The following ARL13A variants were observed in gnomAD, a reference collection of about 807,000 sequenced individuals.
ARL13A encodes ARF like GTPase 13A, also known as ADP-ribosylation factor-like protein 13A.
ARL13A carries 16 observed loss-of-function variants against 19.1 expected under a neutral mutation model. The observed-to-expected ratio is 0.84, with a 90% CI of 0.57 to 1.27. ARL13A has a LOEUF of 1.27. ARL13A is among the 50% of genes most tolerant of loss of function. The pLI is 0.00. For missense variants in ARL13A, 153 were observed against 186.4 expected, an observed-to-expected ratio of 0.82 and a Z score of 1.04; for synonymous variants, 69 against 71.3, an observed-to-expected ratio of 0.97 and a Z score of 0.17.
At position 100,987,549 on chromosome X, in the gene ARL13A, T is replaced by A; in HGVS notation, c.646T>A (p.Ser216Thr). The A allele has an allele frequency of 1.7e-6, 2 of 1,210,394 alleles. No homozygotes were observed. The highest frequency in any genetic ancestry group is 2.2e-6 in the Non-Finnish European group (2 of 895,101). The change falls in exon 6 of 8, where the codon TCA becomes ACA. Residue 216 changes from serine to threonine, a missense_variant. Ser to Thr is a moderately conservative substitution (Grantham distance 58, BLOSUM62 1). Transcript: ENST00000450049. Reference protein sequence around the residue: ...NNTGSGERCSSHSFSTRTGMS... With the variant: ...NNTGSGERCSTHSFSTRTGMS... Reference sequence around the variant, plus strand: ...CACAGGCTCTGGAGAAAGATGCTCATCACACAGGTACTGAGATGCCGCTAT... The same window carrying A: ...CACAGGCTCTGGAGAAAGATGCTCAACACACAGGTACTGAGATGCCGCTAT...
intron 7 of ARL13A, 99 bp from the exon 8 acceptor site, chrX:100,990,463 T>C (rs1419670494): frequency 1.0e-6 from 1 of 985,914 alleles, no homozygotes; most frequent in East Asian, 4.0e-5. Flanking sequence ...GGTTTTTAAA[T>C]TTCCATTTGA....
chrX:100,987,203 T>A (rs1357194527), intron 5 of ARL13A, among the ~76,000 whole-genome samples, 187 bp from the exon 6 acceptor site: 1 of 112,190 alleles, frequency 8.9e-6, no homozygotes, highest in African/African-American at 3.2e-5. Context: ...TTAAAGGACC[T>A]CAGATTTTAT....
At chrX:100,972,356 G>T (rs2085668127) in intron 1 of ARL13A, among the ~76,000 whole-genome samples, 1 of 100,159 alleles carries the variant, frequency 1.0e-5, no homozygotes, top group Non-Finnish European at 2.1e-5. Context: ...GCCGGGCGGG[G>T]GGCTGACCCC....
intron 1 of ARL13A, among the ~76,000 whole-genome samples, chrX:100,973,193 G>C: frequency 3.3e-5 from 1 of 30,672 alleles, no homozygotes; most frequent in East Asian, 1.1e-3. Flanking sequence ...TCCTAGATGG[G>C]ATGGCGGCCG....
chrX:100,987,563 A>C lies in ARL13A; in HGVS notation c.653+7A>C, dbSNP rs758197775. On this transcript the variant is annotated splice_region_variant and intron_variant, in intron 6 of 7. Coordinates refer to ENST00000450049, the MANE Select transcript of ARL13A (RefSeq NM_001162491.2). ...AAAGATGCTCATCACACAGGTACTG[A>C]GATGCCGCTATGAGATTTGCTGATA... is the stretch of plus-strand genomic sequence containing the variant. 2.5e-6 allele frequency: 3 copies of C among 1,206,216 alleles called. No homozygotes were observed. The South Asian group carries it at 5.3e-5, about 21-fold the overall frequency.
intron 4 of ARL13A, among the ~76,000 whole-genome samples, chrX:100,986,469 G>A (rs188949775): frequency 8.9e-6 from 1 of 111,836 alleles, no homozygotes; most frequent in East Asian, 2.8e-4. Context: ...CAGAGTTTGG[G>A]AAAGGATGTA....
At chrX:100,990,321 T>C in intron 7 of ARL13A, 1 of 901,345 alleles carries the variant, frequency 1.1e-6, no homozygotes, top group Non-Finnish European at 1.4e-6. Flanking sequence ...CTTTTTCTCT[T>C]TTTACTTTCA....
chrX:100,979,522 C>T (rs1319920369), intron 3 of ARL13A, among the ~76,000 whole-genome samples: 1 of 111,620 alleles, frequency 9.0e-6, no homozygotes, highest in Non-Finnish European at 1.9e-5. Context: ...TTATCTTGGA[C>T]TTCACTGACC....
intron 3 of ARL13A, among the ~76,000 whole-genome samples, chrX:100,981,312 C>A (rs773148725): frequency 8.9e-6 from 1 of 112,055 alleles, no homozygotes; most frequent in Non-Finnish European, 1.9e-5. Context: ...AAGTGCTGGG[C>A]AAATTCTGCC....
At chrX:100,977,037 TGTTA>T (rs892237027) in intron 3 of ARL13A, among the ~76,000 whole-genome samples, 1 of 112,608 alleles carries the variant, frequency 8.9e-6, no homozygotes, top group African/African-American at 3.2e-5. Context: ...TTTTAGAATT[TGTTA>T]AATTTTTATG....
intron 3 of ARL13A, among the ~76,000 whole-genome samples, chrX:100,974,669 G>C (rs189623141): frequency 1.3e-3 from 144 of 111,715 alleles, no homozygotes; most frequent in African/African-American, 4.6e-3. Context: ...CTAATATAGA[G>C]AGTTGGAGCT....
intron 5 of ARL13A, 129 bp downstream of exon 5, chrX:100,987,030 G>GGGT: frequency 2.3e-6 from 1 of 437,245 alleles, no homozygotes; most frequent in Non-Finnish European, 4.0e-6. Context: ...CACCCACAGT[G>GGGT]ATTCCTGACT....
chrX:100,985,873 CAT>C lies in ARL13A; in HGVS notation c.338_339del (p.His113ProfsTer5). 1 of 1,210,224 alleles carries C rather than the reference CAT, an allele frequency of 8.3e-7. No homozygotes were observed. Among genetic ancestry groups the C allele is most frequent in the Non-Finnish European group, 1.1e-6 (1 of 894,810 alleles). On this transcript the variant is annotated frameshift_variant, in exon 4 of 8. Transcript: ENST00000450049. LOFTEE classifies it high-confidence loss of function. ...RMQEVKIILT[H>X]LLSDKRVAGK... ...GCAGGAAGTGAAGATCATCTTAACA[CAT>C]CTGCTGTCCGATAAAAGAGTGGCAG...
At chrX:100,987,027 A>T in intron 5 of ARL13A, 126 bp downstream of exon 5, 1 of 440,816 alleles carries the variant, frequency 2.3e-6, no homozygotes, top group Non-Finnish European at 3.9e-6. Context: ...CAACACCCAC[A>T]GTGATTCCTG....
intron 3 of ARL13A, among the ~76,000 whole-genome samples, chrX:100,977,041 A>G (rs1449873962): frequency 8.9e-6 from 1 of 112,508 alleles, no homozygotes; most frequent in African/African-American, 3.2e-5. Flanking sequence ...AGAATTTGTT[A>G]AATTTTTATG....
intron 5 of ARL13A, 96 bp from the exon 6 acceptor site, chrX:100,987,294 T>C (rs1482590964): frequency 1.1e-6 from 1 of 886,658 alleles, no homozygotes; most frequent in African/African-American, 2.0e-5. Context: ...GCAGAGTTTA[T>C]GTGTTCCTTC....
chrX:100,976,308 C>T (rs1454635439), intron 3 of ARL13A, among the ~76,000 whole-genome samples: 1 of 110,183 alleles, frequency 9.1e-6, no homozygotes, highest in African/African-American at 3.3e-5. Flanking sequence ...TGCTATTTTG[C>T]CTGTGAGAAT....
intron 7 of ARL13A, among the ~76,000 whole-genome samples, chrX:100,989,051 T>C (rs1287139847): frequency 1.8e-5 from 2 of 109,317 alleles, no homozygotes; most frequent in Non-Finnish European, 3.8e-5. Context: ...CAATGGAGAA[T>C]GGCTAAATAA....
rs2085994224 is a variant in ARL13A, at chrX:100,989,731, T to C, written c.745-831T>C. 2.7e-5 allele frequency among the ~76,000 whole-genome samples: 3 copies of C among 112,470 alleles called. No homozygotes were observed. In the South Asian group the frequency reaches 1.1e-3, roughly 41 times the overall value. On this transcript the variant is annotated intron_variant, in intron 7 of 7. Transcript: ENST00000450049. ...CTGGCCACTCATTCTCAGTATTCCTTAGCACCTCAGTCTCCAAGATTGTCA... is the reference window on the plus strand; with the variant it reads ...CTGGCCACTCATTCTCAGTATTCCTCAGCACCTCAGTCTCCAAGATTGTCA...
Sources: allele counts gnomAD v4.1 joint callset (sites outside exome capture counted in the v4.1 genomes callset), GRCh38; gene constraint gnomAD v4.1.1; transcripts MANE v1.5; gene names NCBI Gene and HGNC (gene_info 2026-07-23, HGNC 2026-07-21).